The following PAN3 variants were observed in gnomAD, a reference collection of about 807,000 sequenced individuals.
PAN3 encodes the protein PAN2-PAN3 deadenylation complex subunit PAN3.
A neutral mutation model predicts 96.2 loss-of-function variants in PAN3; 19 were observed. That is an observed-to-expected ratio of 0.20 (90% CI 0.14 to 0.29). The LOEUF (loss-of-function observed/expected upper bound fraction) is 0.29, where lower values mean the gene tolerates loss of function less well. Ranked by LOEUF, PAN3 falls within the 10% of genes least tolerant of loss-of-function variation. The pLI is 1.00. For synonymous variants in PAN3, 433 were observed against 406.6 expected (o/e 1.06, Z -0.78); for missense variants, 882 against 1,108.1 (o/e 0.80, Z 2.90).
chr13:28,146,855 G>T (rs1257101971), intron 1 of PAN3, among the ~76,000 whole-genome samples: 2 of 151,968 alleles, frequency 1.3e-5, no homozygotes, highest in Non-Finnish European at 2.9e-5. Context: ...CACACCTGTA[G>T]TCCCAGTTAC....
chr13:28,281,485 T>C (rs1887463327), intron 17 of PAN3, 106 bp downstream of exon 17: 2 of 1,025,828 alleles, frequency 1.9e-6, no homozygotes, highest in South Asian at 2.9e-5. Flanking sequence ...AAAATTCTCA[T>C]GTGAAGTGAC....
At chr13:28,284,349 T>C (rs1034485738) in intron 17 of PAN3, among the ~76,000 whole-genome samples, 3 of 152,076 alleles carry the variant, frequency 2.0e-5, no homozygotes, top group African/African-American at 4.8e-5. Flanking sequence ...CTTATTGATA[T>C]ATAAGAGCTA....
chr13:28,152,952 AG>A (rs1453082887), intron 1 of PAN3, among the ~76,000 whole-genome samples: 2 of 152,118 alleles, frequency 1.3e-5, no homozygotes, highest in African/African-American at 2.4e-5. Flanking sequence ...ACGCTTTTCG[AG>A]GTCAGTATTC....
intron 14 of PAN3, among the ~76,000 whole-genome samples, chr13:28,274,516 A>T (rs1278115082): frequency 6.6e-6 from 1 of 151,516 alleles, no homozygotes; most frequent in African/African-American, 2.4e-5. Context: ...AAAACTGCAC[A>T]CGCTCCTCAT....
At chr13:28,144,132 A>T (rs969699202) in intron 1 of PAN3, among the ~76,000 whole-genome samples, 3 of 152,074 alleles carry the variant, frequency 2.0e-5, no homozygotes, top group Non-Finnish European at 4.4e-5. Context: ...AAAAAACATA[A>T]TTCAGCCCTA....
At chr13:28,259,857 C>G (rs1477591972) in intron 7 of PAN3, among the ~76,000 whole-genome samples, 1 of 151,838 alleles carries the variant, frequency 6.6e-6, no homozygotes, top group African/African-American at 2.4e-5. Flanking sequence ...AGGCTGGTCT[C>G]GAACTCCCAA....
At chr13:28,269,087 G>C (rs1886406264) in intron 12 of PAN3, among the ~76,000 whole-genome samples, 1 of 152,114 alleles carries the variant, frequency 6.6e-6, no homozygotes, top group African/African-American at 2.4e-5. Context: ...TGTGGGGGCT[G>C]TCTTATGCAT....
chr13:28,157,019 A>AAAT (rs1593375639), intron 1 of PAN3, among the ~76,000 whole-genome samples: 2 of 150,694 alleles, frequency 1.3e-5, no homozygotes, highest in African/African-American at 4.9e-5. Context: ...AAAAAAAAAA[A>AAAT]GCTAAATCAC....
intron 5 of PAN3, among the ~76,000 whole-genome samples, chr13:28,205,411 T>C (rs369239105): frequency 2.6e-5 from 4 of 152,272 alleles, no homozygotes; most frequent in African/African-American, 9.6e-5. Context: ...TCTTTAATGT[T>C]CTCAGACCTA....
At chr13:28,252,188 C>CTTTT (rs10545190) in intron 6 of PAN3, among the ~76,000 whole-genome samples, 1 of 112,536 alleles carries the variant, frequency 8.9e-6, no homozygotes, top group Non-Finnish European at 1.8e-5. Context: ...GCGACGGGCC[C>CTTTT]TTTTTTTTTT....
intron 6 of PAN3, among the ~76,000 whole-genome samples, chr13:28,231,146 C>G (rs1295779304): frequency 6.6e-6 from 1 of 152,088 alleles, no homozygotes; most frequent in Non-Finnish European, 1.5e-5. Flanking sequence ...TAGTTAAAAC[C>G]CTGATGCTGG....
chr13:28,190,873 T>A (rs533097656), intron 4 of PAN3, among the ~76,000 whole-genome samples: 1 of 152,292 alleles, frequency 6.6e-6, no homozygotes, highest in Admixed American at 6.5e-5. Context: ...CCAAACTATA[T>A]CAAGGGGATT....
intron 17 of PAN3, 110 bp downstream of exon 17, chr13:28,281,489 A>C: frequency 1.0e-6 from 1 of 967,958 alleles, no homozygotes; most frequent in Non-Finnish European, 1.5e-6. Context: ...TTCTCATGTG[A>C]AGTGACCTTA....
intron 15 of PAN3, among the ~76,000 whole-genome samples, chr13:28,279,066 C>A (rs1643418103): frequency 6.6e-6 from 1 of 151,708 alleles, no homozygotes; most frequent in African/African-American, 2.4e-5. Context: ...AAGAGAATTA[C>A]AAGCAGAAGA....
At chr13:28,239,625 T>C in intron 6 of PAN3, 1 of 1,289,760 alleles carries the variant, frequency 7.8e-7, no homozygotes, top group Non-Finnish European at 1.0e-6. Context: ...AGATAAATCC[T>C]ACAATTCATG....
chr13:28,233,241 T>A (rs1882762739), intron 6 of PAN3, among the ~76,000 whole-genome samples: 1 of 152,046 alleles, frequency 6.6e-6, no homozygotes, highest in South Asian at 2.1e-4. Context: ...TAGGTGCATT[T>A]TTTCCTAATA....
Position 28,138,819 on chromosome 13 carries a change from G to A in PAN3, c.162G>A (p.Lys54=), listed in dbSNP as rs1869158981. The change falls in exon 1 of 19, where the codon AAG becomes AAA. Residue 54 remains lysine, a synonymous_variant. Transcript: ENST00000380958. ...TGAAGTACTGCCGCTACTACGCTAA[G>A]GATAAGACTTGCTTCTACGGGGAGG... ...VKLKYCRYYA[K]DKTCFYGEEC... The A allele has an allele frequency of 3.5e-6, 5 of 1,415,318 alleles. No homozygotes were observed. Among genetic ancestry groups the A allele is most frequent in the Non-Finnish European group, 4.6e-6 (5 of 1,088,158 alleles). 87.7% of individuals were successfully genotyped at this position (1,415,318 alleles called of 1,614,324 possible). A position where few individuals can be genotyped will look rare whatever the true frequency, so the allele number is the denominator to read the frequency against.
chr13:28,283,761 G>A (rs758766014), intron 17 of PAN3, among the ~76,000 whole-genome samples: 18 of 152,162 alleles, frequency 1.2e-4, no homozygotes, highest in Non-Finnish European at 2.2e-4. Flanking sequence ...AGTAATTGCA[G>A]CATAGAGAGG....
intron 1 of PAN3, among the ~76,000 whole-genome samples, chr13:28,160,741 T>C (rs1872786364): frequency 6.6e-6 from 1 of 152,212 alleles, no homozygotes; most frequent in Admixed American, 6.5e-5. Context: ...TGTTTCACAG[T>C]AAATGGATGA....
Sources: gnomAD v4.1 joint callset for allele counts (sites outside exome capture counted in the v4.1 genomes callset) on GRCh38, gnomAD v4.1.1 for gene constraint, MANE v1.5 for transcripts, NCBI Gene and HGNC (gene_info 2026-07-23, HGNC 2026-07-21) for gene names.